The following ERICH6 variants were observed in gnomAD, a reference collection of about 807,000 sequenced individuals.
The protein encoded by ERICH6 is glutamate-rich protein 6.
Under a neutral mutation model 71.0 loss-of-function variants are expected in ERICH6, and 71 were observed. The ratio of observed to expected loss-of-function variants is 1.00; its 90% CI spans 0.83 to 1.22. The LOEUF (loss-of-function observed/expected upper bound fraction) is 1.22. Ranked by LOEUF, ERICH6 falls within the 50% of genes most tolerant of loss-of-function variation. The pLI, the probability that ERICH6 is intolerant of heterozygous loss-of-function variation, is 0.00. For synonymous variants in ERICH6, 262 were observed against 278.4 expected (o/e 0.94, Z 0.59); for missense variants, 808 against 797.2 (o/e 1.01, Z -0.16).
intron 3 of ERICH6, among the ~76,000 whole-genome samples, chr3:150,687,410 A>T (rs1459603527): frequency 6.6e-6 from 1 of 152,230 alleles, no homozygotes; most frequent in African/African-American, 2.4e-5. Context: ...AGAGGGGACT[A>T]TTATGCTACA....
At chr3:150,699,821 A>G (rs1164469960) in intron 2 of ERICH6, among the ~76,000 whole-genome samples, 1 of 152,164 alleles carries the variant, frequency 6.6e-6, no homozygotes, top group African/African-American at 2.4e-5. Context: ...GAATCCTCCA[A>G]TAAAAAAATT....
chr3:150,661,527 C>G (rs1727224296), intron 13 of ERICH6, among the ~76,000 whole-genome samples: 1 of 151,932 alleles, frequency 6.6e-6, no homozygotes, highest in Non-Finnish European at 1.5e-5. Context: ...AACTTATACT[C>G]AAGGAAAAAT....
intron 11 of ERICH6, among the ~76,000 whole-genome samples, chr3:150,670,806 C>T (rs1386936783): frequency 6.6e-6 from 1 of 152,166 alleles, no homozygotes; most frequent in East Asian, 1.9e-4. Flanking sequence ...AGATAATTCA[C>T]TAACTCTTAA....
chr3:150,684,196 G>A (rs1447594853), intron 6 of ERICH6, among the ~76,000 whole-genome samples: 4 of 151,952 alleles, frequency 2.6e-5, no homozygotes, highest in Non-Finnish European at 5.9e-5. Context: ...GCCCACCCTG[G>A]GCAATATAGT....
intron 11 of ERICH6, 43 bp from the exon 12 acceptor site, chr3:150,669,494 G>T: frequency 6.3e-7 from 1 of 1,588,712 alleles, no homozygotes; most frequent in East Asian, 2.3e-5. Flanking sequence ...AATGCTCCTT[G>T]ACTATTCTGG....
At chr3:150,698,245 T>C (rs1227484788) in intron 3 of ERICH6, among the ~76,000 whole-genome samples, 1 of 152,232 alleles carries the variant, frequency 6.6e-6, no homozygotes, top group Non-Finnish European at 1.5e-5. Context: ...TGCTTGTTTT[T>C]TTCACTGCTG....
chr3:150,666,040 C>T (rs1727404229), intron 13 of ERICH6, among the ~76,000 whole-genome samples: 1 of 152,152 alleles, frequency 6.6e-6, no homozygotes, highest in African/African-American at 2.4e-5. Flanking sequence ...TCTGTAAGGT[C>T]GGAATCATTA....
At chr3:150,667,289 C>G (rs753752376) in intron 12 of ERICH6, among the ~76,000 whole-genome samples, 1 of 152,000 alleles carries the variant, frequency 6.6e-6, no homozygotes, top group Non-Finnish European at 1.5e-5. Flanking sequence ...GAAGAGGGAG[C>G]AGGGAAGGCT....
chr3:150,672,255 T>TTATATATATATATA (rs929327217), intron 11 of ERICH6, among the ~76,000 whole-genome samples: 2 of 82,120 alleles, frequency 2.4e-5, no homozygotes, highest in African/African-American at 1.2e-4. Context: ...AAGAATCCAT[T>TTATATATATATATA]TATATATACA....
chr3:150,687,521 T>C (rs989274196), intron 3 of ERICH6, among the ~76,000 whole-genome samples: 2 of 152,190 alleles, frequency 1.3e-5, no homozygotes, highest in African/African-American at 4.8e-5. Context: ...TTATTCTTCA[T>C]GAGATTTTTC....
At chr3:150,676,086 C>T (rs1189477264) in intron 10 of ERICH6, among the ~76,000 whole-genome samples, 2 of 151,804 alleles carry the variant, frequency 1.3e-5, no homozygotes, top group African/African-American at 4.8e-5. Flanking sequence ...TTAGACCTTT[C>T]TTTTTATTTT....
In ERICH6 at chr3:150,680,327, CAA is replaced by C. The variant is rs996084728; in HGVS notation, c.1111+139_1111+140del. On this transcript the variant is annotated intron_variant, in intron 9 of 13. Coordinates refer to ENST00000295910, the MANE Select transcript of ERICH6 (RefSeq NM_152394.5). ...AAGCGATTCTCCCACCTTGGCTTCC[CAA>C]AGTGTTGGGATTACAGGCGTGAGCC... 3 of 822,870 alleles carry C rather than the reference CAA, an allele frequency of 3.6e-6. No homozygotes were observed. In the African/African-American group the frequency reaches 5.2e-5, roughly 14 times the overall value. 51.0% of individuals were successfully genotyped at this position (822,870 alleles called of 1,614,324 possible).
chr3:150,703,799 C>A lies in ERICH6; in HGVS notation c.100G>T (p.Val34Leu), dbSNP rs565359091. 6.2e-7 allele frequency: 1 copy of A among 1,611,994 alleles called. No individual in the cohort carries two copies. The highest frequency in any genetic ancestry group is 1.1e-5 in the South Asian group (1 of 90,724). Reference protein sequence around the residue: ...ELEEEEEEEEVEEEEEEVEEE... With the variant: ...ELEEEEEEEELEEEEEEVEEE... ...TCCACCTCTTCCTCCTCCTCCTCCA[C>A]CTCTTCCTCCTCCTCCTCCTCCTCT... The change falls in exon 1 of 14, where the codon GTG becomes TTG. Residue 34 changes from valine (V) to leucine (L), a missense_variant. Physicochemically the swap from Val to Leu is conservative, Grantham distance 32. This residue lies in a region of ERICH6 where 53 missense variants were observed against 40.6 expected (regional missense o/e 1.30). Coordinates refer to ENST00000295910, the MANE Select transcript of ERICH6 (RefSeq NM_152394.5).
Position 150,672,000 on chromosome 3 carries a change from T to C in ERICH6, c.1343+1956A>G, listed in dbSNP as rs1310236908. Among the ~76,000 whole-genome samples the C allele has an allele frequency of 2.6e-5, 4 of 152,282 alleles. No homozygotes were observed. The East Asian group carries it at 7.7e-4, about 29-fold the overall frequency. On this transcript the variant is annotated intron_variant, in intron 11 of 13. Transcript: ENST00000295910. ...CACAAAGTATGCACAAAGCTGTTTA[T>C]TTAGCTGTTGTGTATAATAGCAAAA...
intron 3 of ERICH6, among the ~76,000 whole-genome samples, chr3:150,696,966 A>G (rs1712677754): frequency 6.6e-6 from 1 of 152,206 alleles, no homozygotes; most frequent in Admixed American, 6.5e-5. Flanking sequence ...GGCTTACTGT[A>G]ACACTGTGGA....
chr3:150,670,263 T>C (rs911049717), intron 11 of ERICH6, among the ~76,000 whole-genome samples: 1 of 151,794 alleles, frequency 6.6e-6, no homozygotes, highest in Non-Finnish European at 1.5e-5. Context: ...GGCGGGTGGA[T>C]CATGAGGTCA....
intron 13 of ERICH6, among the ~76,000 whole-genome samples, chr3:150,660,469 AGTGGGGGAGGTAGG>A (rs559973516): frequency 6.6e-6 from 1 of 152,308 alleles, no homozygotes; most frequent in South Asian, 2.1e-4. Context: ...GAAAGTACCC[AGTGGGGGAGGTAGG>A]GTGAGTGCTG....
At chr3:150,680,418 C>G (rs73152543) in intron 9 of ERICH6, 50 bp downstream of exon 9, 141 of 1,572,472 alleles carry the variant, frequency 9.0e-5, no homozygotes, top group Admixed American at 4.2e-4. Context: ...AACATCTGAG[C>G]TTTCTGACGT....
intron 2 of ERICH6, among the ~76,000 whole-genome samples, chr3:150,700,339 TA>T (rs553685445): frequency 1.3e-5 from 2 of 151,314 alleles, no homozygotes; most frequent in South Asian, 2.1e-4. Context: ...GGTTTTTATT[TA>T]TTTTTTTATT....
Sources: allele counts gnomAD v4.1 joint callset (sites outside exome capture counted in the v4.1 genomes callset), GRCh38; gene constraint gnomAD v4.1.1; regional missense constraint gnomAD v4.1.1; transcripts MANE v1.5; gene names NCBI Gene and HGNC (gene_info 2026-07-23, HGNC 2026-07-21).